PSD3: variants seen among roughly 807,000 people sequenced by gnomAD.
PSD3 encodes pleckstrin and Sec7 domain containing 3, also known as PH and SEC7 domain-containing protein 3.
A neutral mutation model predicts 105.5 loss-of-function variants in PSD3; 49 were observed. The ratio of observed to expected loss-of-function variants is 0.46; its 90% CI spans 0.37 to 0.59. The LOEUF is 0.59. Ranked by LOEUF, PSD3 falls within the 20% of genes least tolerant of loss-of-function variation. PSD3 has a pLI of 0.00. For missense variants in PSD3, 1,561 were observed against 1,263.8 expected, an observed-to-expected ratio of 1.24 and a Z score of -3.57; for synonymous variants, 557 against 457.8, an observed-to-expected ratio of 1.22 and a Z score of -2.77.
At chr8:19,040,869 C>T (rs747239591) in intron 1 of PSD3, among the ~76,000 whole-genome samples, 7 of 152,226 alleles carry the variant, frequency 4.6e-5, no homozygotes, top group East Asian at 3.9e-4. Flanking sequence ...CTACACACTG[C>T]GAAGCTTGAT....
chr8:18,740,334 A>C (rs1027738488), intron 9 of PSD3, among the ~76,000 whole-genome samples: 1 of 152,156 alleles, frequency 6.6e-6, no homozygotes, highest in Non-Finnish European at 1.5e-5. Context: ...TCTGACCTCA[A>C]CTGCACCCTT....
At chr8:18,976,576 G>T (rs1251452310) in intron 1 of PSD3, among the ~76,000 whole-genome samples, 2 of 152,150 alleles carry the variant, frequency 1.3e-5, no homozygotes, top group Non-Finnish European at 2.9e-5. Context: ...CATGACACAA[G>T]AACTATTTAA....
intron 1 of PSD3, among the ~76,000 whole-genome samples, chr8:18,982,988 C>A (rs1441913227): frequency 6.6e-6 from 1 of 152,214 alleles, no homozygotes; most frequent in Non-Finnish European, 1.5e-5. Context: ...CAGACGGCAT[C>A]TTTTCCCAAT....
At chr8:18,991,515 G>C (rs1460284161) in intron 1 of PSD3, among the ~76,000 whole-genome samples, 2 of 152,018 alleles carry the variant, frequency 1.3e-5, no homozygotes, top group African/African-American at 2.4e-5. Flanking sequence ...ATTGATAGCT[G>C]AACCACCAGA....
intron 8 of PSD3, among the ~76,000 whole-genome samples, chr8:18,783,617 T>A: frequency 6.6e-6 from 1 of 152,204 alleles, no homozygotes; most frequent in East Asian, 1.9e-4. Context: ...AAGTTTTTTA[T>A]GTTGTATTTT....
intron 9 of PSD3, among the ~76,000 whole-genome samples, chr8:18,658,470 C>T (rs905052516): frequency 2.0e-5 from 3 of 151,616 alleles, no homozygotes; most frequent in African/African-American, 7.3e-5. Context: ...TTAGTATCTT[C>T]GATTTCTTTG....
At chr8:19,007,166 A>G (rs1826720576) in intron 1 of PSD3, among the ~76,000 whole-genome samples, 1 of 151,970 alleles carries the variant, frequency 6.6e-6, no homozygotes, top group Non-Finnish European at 1.5e-5. Context: ...AGGCAGGAGA[A>G]TCGCTTGAGC....
chr8:18,883,973 T>C (rs1563382916), intron 2 of PSD3, among the ~76,000 whole-genome samples: 1 of 152,170 alleles, frequency 6.6e-6, no homozygotes, highest in Non-Finnish European at 1.5e-5. Context: ...TAATATTATG[T>C]TAGTACAAGA....
intron 9 of PSD3, chr8:18,721,132 A>C (rs1278179978): frequency 6.6e-6 from 1 of 152,082 alleles, no homozygotes; most frequent in South Asian, 2.1e-4. Context: ...CTAGTGATTC[A>C]TGTCATCGCC....
At chr8:18,808,900 C>G (rs1811438474) in intron 4 of PSD3, 2 of 1,559,182 alleles carry the variant, frequency 1.3e-6, no homozygotes, top group South Asian at 1.2e-5. Flanking sequence ...GAACCTGGCT[C>G]CCTGTGAGGT....
intron 2 of PSD3, among the ~76,000 whole-genome samples, chr8:18,888,400 C>T (rs1011696986): frequency 2.2e-4 from 34 of 151,988 alleles, no homozygotes; most frequent in Admixed American, 2.0e-3. Context: ...CAAACAATCT[C>T]GGCTATTAAT....
rs1194731213 is a variant in PSD3 at position 18,740,915 on chromosome 8, T to C, written c.2172+24534A>G. ...GACTTTCCCAGTGACTTCCGGCTTT[T>C]CTCTGAGTGTGGATTAACCTGGGTG... On this transcript the variant is annotated intron_variant, in intron 9 of 15. Transcript: ENST00000327040. Among the ~76,000 whole-genome samples, 4 of 152,170 alleles carry C rather than the reference T, an allele frequency of 2.6e-5. No homozygotes were observed. The East Asian group carries it at 7.7e-4, about 29-fold the overall frequency.
At chr8:18,766,737 A>G (rs1478864488) in intron 8 of PSD3, among the ~76,000 whole-genome samples, 1 of 152,196 alleles carries the variant, frequency 6.6e-6, no homozygotes, top group Non-Finnish European at 1.5e-5. Flanking sequence ...TACTTACACT[A>G]ACAGGGGCAG....
intron 4 of PSD3, among the ~76,000 whole-genome samples, chr8:18,817,503 A>G (rs1812310378): frequency 6.6e-6 from 1 of 152,206 alleles, no homozygotes; most frequent in Non-Finnish European, 1.5e-5. Context: ...AGCACCTTGG[A>G]TAATGGCTGG....
chr8:18,600,914 T>C (rs1216274326), intron 11 of PSD3, among the ~76,000 whole-genome samples: 2 of 152,200 alleles, frequency 1.3e-5, no homozygotes, highest in African/African-American at 4.8e-5. Flanking sequence ...TTGGCATTTC[T>C]CCCATACCCC....
chr8:18,901,948 T>G (rs536176206), intron 2 of PSD3, among the ~76,000 whole-genome samples: 1 of 152,174 alleles, frequency 6.6e-6, no homozygotes, highest in African/African-American at 2.4e-5. Context: ...TCTTTTTCTG[T>G]TTTTAGAATT....
At chr8:18,575,810 A>G (rs969554261) in intron 12 of PSD3, among the ~76,000 whole-genome samples, 17 of 152,220 alleles carry the variant, frequency 1.1e-4, no homozygotes, top group African/African-American at 4.1e-4. Context: ...GAATAGTAAA[A>G]TAAAATAATT....
At chr8:18,695,726 C>T (rs1323191121) in intron 9 of PSD3, among the ~76,000 whole-genome samples, 1 of 152,182 alleles carries the variant, frequency 6.6e-6, no homozygotes, top group East Asian at 1.9e-4. Flanking sequence ...TTTGCATTAT[C>T]TTGTAAAGTT....
intron 9 of PSD3, among the ~76,000 whole-genome samples, chr8:18,738,936 T>C (rs537118993): frequency 6.7e-4 from 102 of 152,286 alleles, no homozygotes; most frequent in African/African-American, 2.3e-3. Flanking sequence ...TTTAATATAT[T>C]TTAAAGACAA....
Sources: allele counts gnomAD v4.1 joint callset (sites outside exome capture counted in the v4.1 genomes callset), GRCh38; gene constraint gnomAD v4.1.1; transcripts MANE v1.5; gene names NCBI Gene and HGNC (gene_info 2026-07-23, HGNC 2026-07-21).